Variants in STK32C observed in about 807,000 individuals in gnomAD.
The protein encoded by STK32C is serine/threonine kinase 32C, also known as serine/threonine-protein kinase 32C.
In STK32C, 31 loss-of-function variants were observed where a neutral mutation model predicts 56.5. The ratio of observed to expected loss-of-function variants is 0.55; its 90% CI spans 0.41 to 0.74. The LOEUF is 0.74. Among genes scored for constraint, STK32C ranks in the 30% least tolerant of loss-of-function variants. STK32C has a pLI of 0.00. For missense variants in STK32C, 544 were observed against 676.9 expected (o/e 0.80, Z 2.18); for synonymous variants, 309 against 289.4 (o/e 1.07, Z -0.69).
intron 1 of STK32C, among the ~76,000 whole-genome samples, chr10:132,265,480 C>T (rs1342269016): frequency 6.6e-6 from 1 of 152,138 alleles, no homozygotes; most frequent in Non-Finnish European, 1.5e-5. Flanking sequence ...CTGTGGGGTC[C>T]TCACTGCACT....
At chr10:132,325,113 G>A (rs1245558967) in intron 1 of STK32C, among the ~76,000 whole-genome samples, 1 of 152,178 alleles carries the variant, frequency 6.6e-6, no homozygotes, top group Non-Finnish European at 1.5e-5. Flanking sequence ...ATGTGGTTTG[G>A]CTGTGTCCCC....
At position 132,211,411 on chromosome 10, in the gene STK32C, C is replaced by T. The variant is rs184488117; in HGVS notation, c.1252-2310G>A. Reference sequence around the variant, plus strand: ...CCCAGTGGCAGGGGCTGTTGGTCATCCTGCAACGTCCACAGCCATGTTTTC... The same window carrying T: ...CCCAGTGGCAGGGGCTGTTGGTCATTCTGCAACGTCCACAGCCATGTTTTC... On this transcript the variant is annotated intron_variant, in intron 10 of 11. Transcript: ENST00000298630. 8.9e-4 allele frequency among the ~76,000 whole-genome samples: 135 copies of T among 152,326 alleles called. 2 individuals carry two copies. The East Asian group carries it at 0.024, about 27-fold the overall frequency.
At chr10:132,287,344 A>T (rs2065436511) in intron 1 of STK32C, among the ~76,000 whole-genome samples, 1 of 151,744 alleles carries the variant, frequency 6.6e-6, no homozygotes, top group Admixed American at 6.5e-5. Context: ...TACAAAAATT[A>T]GCTGAGCGTG....
rs56109103 is a variant in STK32C, at chr10:132,208,111, C to T, written c.1360G>A (p.Ala454Thr). 64 of 1,310,908 alleles carry T rather than the reference C, an allele frequency of 4.9e-5. No homozygotes were observed. The Middle Eastern group carries it at 1.2e-3, about 25-fold the overall frequency. The allele number at this position is 1,310,908 out of a possible 1,614,324, so 81.2% of individuals were successfully genotyped here. A position where few individuals can be genotyped will look rare whatever the true frequency, so the allele number is the denominator to read the frequency against. Residue 454 changes from alanine to threonine, a missense_variant, in exon 12 of 12, where the codon GCC (alanine) becomes ACC (threonine). Ala to Thr is a moderately conservative substitution (Grantham distance 58, BLOSUM62 0). Coordinates refer to ENST00000298630, the MANE Select transcript of STK32C (RefSeq NM_173575.4). ...SQDLPREPLP[A>T]PESRDAAEPV... ...TCCGCAGCATCCCTGGACTCAGGGGCGGGGAGAGGCTCCCTCGGGAGGTCC... is the reference window on the plus strand; with the variant it reads ...TCCGCAGCATCCCTGGACTCAGGGGTGGGGAGAGGCTCCCTCGGGAGGTCC...
intron 1 of STK32C, among the ~76,000 whole-genome samples, chr10:132,287,833 A>G (rs1310260270): frequency 6.6e-6 from 1 of 152,154 alleles, no homozygotes; most frequent in Non-Finnish European, 1.5e-5. Flanking sequence ...TCTCTCCTCC[A>G]GAAGAGTACA....
upstream of STK32C, among the ~76,000 whole-genome samples, chr10:132,309,816 G>A (rs1049319585): frequency 2.0e-4 from 31 of 152,176 alleles, no homozygotes; most frequent in Non-Finnish European, 2.6e-4. Flanking sequence ...TTACATCATC[G>A]CCTCTCCTCC....
intron 1 of STK32C, among the ~76,000 whole-genome samples, chr10:132,306,665 G>A (rs1265996016): frequency 1.3e-5 from 2 of 152,200 alleles, no homozygotes; most frequent in African/African-American, 4.8e-5. Context: ...ACCTCTGCAC[G>A]CTATCTATAA....
At chr10:132,278,815 T>C (rs976855486) in intron 1 of STK32C, among the ~76,000 whole-genome samples, 2 of 143,554 alleles carry the variant, frequency 1.4e-5, no homozygotes, top group Non-Finnish European at 3.0e-5. Context: ...GCATTTGCAA[T>C]ACATATGACA....
chr10:132,238,907 G>A (rs944546793), intron 2 of STK32C, among the ~76,000 whole-genome samples: 4 of 152,198 alleles, frequency 2.6e-5, no homozygotes, highest in Admixed American at 2.0e-4. Flanking sequence ...GAGCGGGCAC[G>A]CTGGGTGGAC....
chr10:132,245,417 A>G (rs1388451381), intron 2 of STK32C, among the ~76,000 whole-genome samples: 2 of 152,210 alleles, frequency 1.3e-5, no homozygotes, highest in Admixed American at 1.3e-4. Flanking sequence ...TGGTCAAGAG[A>G]AAACAAAAGG....
At chr10:132,332,006 G>A (rs540897089), upstream of STK32C, 74 of 374,818 alleles carry the variant, frequency 2.0e-4, 2 homozygotes, top group African/African-American at 1.4e-3. Context: ...CCGACCCCCT[G>A]CCGCGCAGGG....
At chr10:132,269,558 G>GC (rs1449824401) in intron 1 of STK32C, among the ~76,000 whole-genome samples, 1 of 152,252 alleles carries the variant, frequency 6.6e-6, no homozygotes, top group African/African-American at 2.4e-5. Context: ...CTCTGGGCTG[G>GC]CTGCTGATGG....
At position 132,235,628 on chromosome 10, in the gene STK32C, C is replaced by T. The variant is rs566638961; in HGVS notation, c.319-7500G>A. Among the ~76,000 whole-genome samples, 44 of 151,838 alleles carry T rather than the reference C, an allele frequency of 2.9e-4. 1 individual carries two copies. In the South Asian group the frequency reaches 7.9e-3, roughly 27 times the overall value. On this transcript the variant is annotated intron_variant, in intron 2 of 11. Transcript: ENST00000298630. Reference sequence around the variant, plus strand: ...GGACAGTGTCGGGGCCTCCAGGTGACGTGGGCAGCAGAAGCAGACAGGATG... The same window carrying T: ...GGACAGTGTCGGGGCCTCCAGGTGATGTGGGCAGCAGAAGCAGACAGGATG...
intron 1 of STK32C, among the ~76,000 whole-genome samples, chr10:132,280,995 T>C (rs544269010): frequency 1.4e-5 from 2 of 147,144 alleles, no homozygotes; most frequent in South Asian, 4.4e-4. Context: ...GCCCCTGCAC[T>C]CCGTGATCAC....
At chr10:132,229,118 G>A (rs943134237) in intron 2 of STK32C, among the ~76,000 whole-genome samples, 1 of 152,234 alleles carries the variant, frequency 6.6e-6, no homozygotes, top group African/African-American at 2.4e-5. Context: ...TCCCCAAAGG[G>A]AAGCCAGGAA....
At chr10:132,268,283 G>T (rs1460243865) in intron 1 of STK32C, among the ~76,000 whole-genome samples, 1 of 134,544 alleles carries the variant, frequency 7.4e-6, no homozygotes, top group Non-Finnish European at 1.6e-5. Flanking sequence ...TCAGCTCTAT[G>T]CCTGTGTGCA....
intron 1 of STK32C, among the ~76,000 whole-genome samples, chr10:132,281,028 T>TCCCTGCACTCCGTGATCACAC (rs1487656323): frequency 1.6e-5 from 2 of 128,734 alleles, no homozygotes; most frequent in Non-Finnish European, 3.3e-5. Context: ...CGTGATCACG[T>TCCCTGCACTCCGTGATCACAC]CCCTGCACTC....
chr10:132,209,266 G>A (rs778551443), intron 10 of STK32C, 165 bp from the exon 11 acceptor site: 35 of 716,010 alleles, frequency 4.9e-5, no homozygotes, highest in African/African-American at 4.3e-4. Flanking sequence ...CAGACTGCCC[G>A]GGAGCTCGCA....
intron 1 of STK32C, among the ~76,000 whole-genome samples, chr10:132,296,808 G>A (rs1353286140): frequency 1.3e-5 from 2 of 152,226 alleles, no homozygotes; most frequent in African/African-American, 4.8e-5. Flanking sequence ...CAGGCAGGAA[G>A]CAGATGTCCC....
Sources: allele counts gnomAD v4.1 joint callset (sites outside exome capture counted in the v4.1 genomes callset), GRCh38; gene constraint gnomAD v4.1.1; transcripts MANE v1.5; gene names NCBI Gene and HGNC (gene_info 2026-07-23, HGNC 2026-07-21).